Variants in KLHL13 observed in about 807,000 individuals in gnomAD.
KLHL13 encodes the protein kelch like family member 13.
In KLHL13, 10 loss-of-function variants were observed where a neutral mutation model predicts 37.1. The ratio of observed to expected loss-of-function variants is 0.27; its 90% CI spans 0.17 to 0.46. The LOEUF is 0.46. Ranked by LOEUF, KLHL13 falls within the 20% of genes least tolerant of loss-of-function variation. The probability of loss-of-function intolerance (pLI) is 1.00; values close to 1 mark genes in which losing one functional copy is unlikely to be tolerated. For missense variants in KLHL13, 360 were observed against 509.3 expected, an observed-to-expected ratio of 0.71 and a Z score of 2.82; for synonymous variants, 163 against 181.2, an observed-to-expected ratio of 0.90 and a Z score of 0.81.
chrX:118,041,797 G>A (rs2054509080), intron 1 of KLHL13, among the ~76,000 whole-genome samples: 1 of 111,205 alleles, frequency 9.0e-6, no homozygotes, highest in African/African-American at 3.3e-5. Flanking sequence ...AAGACAGGAG[G>A]GAAGGAAAGG....
chrX:117,949,634 G>A (rs1341635270), intron 1 of KLHL13, among the ~76,000 whole-genome samples: 2 of 111,631 alleles, frequency 1.8e-5, no homozygotes, highest in African/African-American at 6.5e-5. Flanking sequence ...TAAATCCCAC[G>A]ACAATCCACT....
chrX:118,045,371 CAA>C (rs55736320), intron 1 of KLHL13, among the ~76,000 whole-genome samples: 12,068 of 72,469 alleles, frequency 0.17, 989 homozygotes, highest in African/African-American at 0.32. Flanking sequence ...AAGACTCCAT[CAA>C]AAAAAAAAAA....
intron 6 of KLHL13, 152 bp from the exon 8 acceptor site, chrX:117,899,547 T>C: frequency 2.5e-6 from 1 of 405,967 alleles, no homozygotes. Flanking sequence ...ATAAATACAT[T>C]CTCTGGATTA....
At chrX:118,089,549 T>C (rs1381280062) in intron 1 of KLHL13, among the ~76,000 whole-genome samples, 9 of 98,952 alleles carry the variant, frequency 9.1e-5, no homozygotes, top group Non-Finnish European at 1.6e-4. Flanking sequence ...GTTTCATTCA[T>C]AGGGCAAGAT....
chrX:117,910,343 A>G (rs1930895574), intron 4 of KLHL13, among the ~76,000 whole-genome samples: 1 of 111,654 alleles, frequency 9.0e-6, no homozygotes, highest in African/African-American at 3.3e-5. Context: ...AGCTACTCTA[A>G]GAAACAATGT....
At chrX:117,973,825 C>T (rs1337963971), upstream of KLHL13, 1 of 548,907 alleles carries the variant, frequency 1.8e-6, no homozygotes, top group African/African-American at 2.8e-5. Flanking sequence ...CACCACCCCC[C>T]CCACTCCTCC....
At chrX:118,110,780 T>C (rs2055402644) in intron 1 of KLHL13, among the ~76,000 whole-genome samples, 1 of 111,807 alleles carries the variant, frequency 8.9e-6, no homozygotes, top group African/African-American at 3.3e-5. Flanking sequence ...AGTTCTTAAC[T>C]GAATTTCTTA....
intron 1 of KLHL13, among the ~76,000 whole-genome samples, chrX:118,057,696 G>T (rs2054700046): frequency 9.1e-6 from 1 of 110,128 alleles, no homozygotes; most frequent in Admixed American, 9.7e-5. Context: ...TGTGGTGGCG[G>T]ACACCTGTAG....
intron 1 of KLHL13, among the ~76,000 whole-genome samples, chrX:117,961,154 A>T (rs142220837): frequency 4.4e-4 from 49 of 112,182 alleles, no homozygotes; most frequent in African/African-American, 1.3e-3. Flanking sequence ...AATAGGAGAA[A>T]CTTGTTTTCA....
At chrX:118,033,263 G>A (rs893131557) in intron 1 of KLHL13, among the ~76,000 whole-genome samples, 17 of 110,790 alleles carry the variant, frequency 1.5e-4, no homozygotes, top group Admixed American at 5.8e-4. Context: ...TACTCCTCAA[G>A]AAGAGCAACT....
intron 2 of KLHL13, among the ~76,000 whole-genome samples, chrX:117,938,864 C>T (rs749051853): frequency 9.0e-6 from 1 of 110,668 alleles, no homozygotes; most frequent in South Asian, 3.8e-4. Context: ...TTTTTGAGCA[C>T]CTTAAAAATC....
intron 1 of KLHL13, among the ~76,000 whole-genome samples, chrX:118,094,871 A>G (rs1228852407): frequency 2.7e-5 from 3 of 111,668 alleles, no homozygotes; most frequent in African/African-American, 9.7e-5. Context: ...GGCCTGCCCT[A>G]AAAGAGCTCC....
chrX:117,919,602 G>C, exon 4 of KLHL13: 2 of 1,209,607 alleles, frequency 1.7e-6, no homozygotes, highest in Non-Finnish European at 2.2e-6. Context: ...TGTCTTGAAG[G>C]TTGTCCATAT....
chrX:118,018,836 C>G (rs902715850), intron 1 of KLHL13, among the ~76,000 whole-genome samples: 4 of 110,678 alleles, frequency 3.6e-5, no homozygotes, highest in African/African-American at 6.5e-5. Context: ...TATTTATATC[C>G]AACTATTTTT....
intron 1 of KLHL13, among the ~76,000 whole-genome samples, chrX:117,998,885 T>C (rs2053887542): frequency 9.1e-6 from 1 of 110,375 alleles, no homozygotes; most frequent in South Asian, 3.8e-4. Context: ...TTATACATAT[T>C]ATATATAACA....
At chrX:118,025,876 C>A (rs1181396112) in intron 1 of KLHL13, among the ~76,000 whole-genome samples, 1 of 112,089 alleles carries the variant, frequency 8.9e-6, no homozygotes, top group East Asian at 2.8e-4. Context: ...AAAGTTATGA[C>A]CACAGTGTAT....
intron 1 of KLHL13, among the ~76,000 whole-genome samples, chrX:118,079,212 G>T (rs149784493): frequency 9.1e-6 from 1 of 110,015 alleles, no homozygotes; most frequent in Non-Finnish European, 1.9e-5. Flanking sequence ...TCCGAGAAGC[G>T]TAAGAAAAGA....
chrX:118,018,859 G>T (rs2054160322), intron 1 of KLHL13, among the ~76,000 whole-genome samples: 1 of 111,110 alleles, frequency 9.0e-6, no homozygotes, highest in African/African-American at 3.3e-5. Flanking sequence ...TAACTCATTA[G>T]TTCTAGCACT....
chrX:118,034,794 A>G (rs2148043335), intron 1 of KLHL13, among the ~76,000 whole-genome samples: 1 of 63,796 alleles, frequency 1.6e-5, no homozygotes, highest in East Asian at 4.2e-4. Context: ...AAAATTAATG[A>G]ATCCAGGAGC....
Sources: gnomAD v4.1 joint callset for allele counts (sites outside exome capture counted in the v4.1 genomes callset) on GRCh38, gnomAD v4.1.1 for gene constraint, MANE v1.5 for transcripts, NCBI Gene and HGNC (gene_info 2026-07-23, HGNC 2026-07-21) for gene names.